The following SSBP3 variants were observed in gnomAD, a reference collection of about 807,000 sequenced individuals.
SSBP3 encodes the protein single-stranded DNA-binding protein 3.
A neutral mutation model predicts 69.6 loss-of-function variants in SSBP3; 5 were observed. The ratio of observed to expected loss-of-function variants is 0.07; its 90% confidence interval spans 0.04 to 0.15. SSBP3 has a LOEUF of 0.15. Ranked by LOEUF, SSBP3 falls within the 10% of genes least tolerant of loss-of-function variation. The pLI is 1.00. For missense variants in SSBP3, 312 were observed against 534.0 expected, an observed-to-expected ratio of 0.58 and a Z score of 4.10; for synonymous variants, 196 against 193.4, an observed-to-expected ratio of 1.01 and a Z score of -0.11.
rs1040154629 is a variant in SSBP3, at chr1:54,357,138, G to A, written c.276+44723C>T. Among the ~76,000 whole-genome samples, 6 of 152,290 alleles carry A rather than the reference G, an allele frequency of 3.9e-5. No individual in the cohort carries two copies. The Middle Eastern group carries it at 0.01, about 259-fold the overall frequency. On this transcript the variant is annotated intron_variant, in intron 4 of 17. Coordinates refer to ENST00000610401, the Ensembl canonical transcript of SSBP3. ...GAGAGGTCTGAGTCCCCAGTGAGAG[G>A]AGACAGAAGGCCAAAGGGGCTAGGA...
intron 4 of SSBP3, among the ~76,000 whole-genome samples, chr1:54,329,991 G>A (rs1002704761): frequency 2.0e-5 from 3 of 152,138 alleles, no homozygotes; most frequent in Admixed American, 6.5e-5. Flanking sequence ...GACTTTGCAC[G>A]TTCACACCTG....
upstream of SSBP3, among the ~76,000 whole-genome samples, chr1:54,409,101 GA>G (rs1649923650): frequency 6.6e-6 from 1 of 152,114 alleles, no homozygotes; most frequent in South Asian, 2.1e-4. Context: ...AAACACCCAT[GA>G]ACAGCATTCA....
chr1:54,277,042 C>CGAGCCTG (rs1392169174), intron 5 of SSBP3, among the ~76,000 whole-genome samples: 4 of 152,100 alleles, frequency 2.6e-5, no homozygotes, highest in Non-Finnish European at 5.9e-5. Flanking sequence ...TGATTCAGTT[C>CGAGCCTG]GAGCCTGGAA....
intron 4 of SSBP3, among the ~76,000 whole-genome samples, chr1:54,336,869 C>T (rs1019537034): frequency 2.0e-5 from 3 of 152,144 alleles, no homozygotes; most frequent in African/African-American, 7.2e-5. Context: ...CCCTGAATAG[C>T]CAGCTCCCCA....
intron 15 of SSBP3, 39 bp downstream of exon 15, chr1:54,228,709 C>T (rs1644330486): frequency 1.3e-6 from 2 of 1,555,868 alleles, no homozygotes; most frequent in African/African-American, 2.7e-5. Context: ...GCTGGCTGCC[C>T]AGGCAGGGTG....
intron 5 of SSBP3, among the ~76,000 whole-genome samples, chr1:54,261,596 A>C (rs758161076): frequency 2.0e-5 from 3 of 152,162 alleles, no homozygotes; most frequent in Non-Finnish European, 4.4e-5. Flanking sequence ...TTTTCCATGC[A>C]GGACATCTCT....
chr1:54,335,058 G>T (rs1646485230), intron 4 of SSBP3, among the ~76,000 whole-genome samples: 1 of 152,182 alleles, frequency 6.6e-6, no homozygotes, highest in South Asian at 2.1e-4. Context: ...AGGGCCTAGA[G>T]GAGCCAGGCT....
chr1:54,242,149 G>A lies in SSBP3; in HGVS notation c.765+15C>T, dbSNP rs760294859. On this transcript the variant is annotated intron_variant, in intron 11 of 17. Coordinates refer to ENST00000610401, the Ensembl canonical transcript of SSBP3. ...TCCCCTGACAAACACCACCCCACCC[G>A]ACCCAGGTACTCACTGAGTTAGCAC... 3.1e-6 allele frequency: 5 copies of A among 1,612,192 alleles called. No individual in the cohort carries two copies. The highest frequency in any genetic ancestry group is 1.7e-5 in the Admixed American group (1 of 59,954).
intron 4 of SSBP3, among the ~76,000 whole-genome samples, chr1:54,357,286 G>A (rs561513949): frequency 1.3e-5 from 2 of 152,110 alleles, no homozygotes. Context: ...GTGGGCACTC[G>A]ACAAATGAGG....
chr1:54,386,506 C>T lies in SSBP3; in HGVS notation c.276+15355G>A, dbSNP rs181315630. On this transcript the variant is annotated intron_variant, in intron 4 of 17. Transcript: ENST00000610401. ...CTGGAAGCAGCTCAGGTGTTCTCAC[C>T]CCCAGTTCCAAGGTTGCTCATATCC... Among the ~76,000 whole-genome samples, 3 of 152,004 alleles carry T rather than the reference C, an allele frequency of 2.0e-5. No homozygotes were observed. In the East Asian group the frequency reaches 5.8e-4, roughly 29 times the overall value.
At chr1:54,229,744 G>A (rs1006863611) in intron 14 of SSBP3, among the ~76,000 whole-genome samples, 12 of 152,300 alleles carry the variant, frequency 7.9e-5, no homozygotes, top group Admixed American at 6.5e-4. Flanking sequence ...CATCTGCATC[G>A]AGTGGGAAGG....
At chr1:54,394,836 G>A (rs1035397087) in intron 4 of SSBP3, among the ~76,000 whole-genome samples, 1 of 150,904 alleles carries the variant, frequency 6.6e-6, no homozygotes, top group Admixed American at 6.6e-5. Context: ...CCAAGTAGCT[G>A]GGACTACAGG....
chr1:54,407,138 G>A (rs1251725176), upstream of SSBP3, among the ~76,000 whole-genome samples: 2 of 152,036 alleles, frequency 1.3e-5, no homozygotes, highest in Non-Finnish European at 2.9e-5. Context: ...GGCCCTTGGC[G>A]TGCTTTGGGG....
chr1:54,358,247 G>A (rs1646898713), intron 4 of SSBP3, among the ~76,000 whole-genome samples: 2 of 152,154 alleles, frequency 1.3e-5, no homozygotes, highest in South Asian at 4.1e-4. Context: ...CCTCTTAACT[G>A]GCAACTCAAT....
chr1:54,374,431 G>A (rs1647184081), intron 4 of SSBP3, among the ~76,000 whole-genome samples: 1 of 152,194 alleles, frequency 6.6e-6, no homozygotes, highest in Non-Finnish European at 1.5e-5. Context: ...CTTTCTTGAG[G>A]CCCTGCTGGC....
intron 4 of SSBP3, among the ~76,000 whole-genome samples, chr1:54,284,334 T>C (rs1217370682): frequency 6.6e-6 from 1 of 152,108 alleles, no homozygotes; most frequent in Admixed American, 6.5e-5. Context: ...CTTAGGTCAT[T>C]ACCTTTTGAA....
intron 4 of SSBP3, among the ~76,000 whole-genome samples, chr1:54,385,475 G>A (rs1396223530): frequency 6.6e-6 from 1 of 151,800 alleles, no homozygotes; most frequent in Non-Finnish European, 1.5e-5. Context: ...ATCTACCACT[G>A]CCCCCAACCC....
At chr1:54,399,586 A>G (rs191990023) in intron 4 of SSBP3, among the ~76,000 whole-genome samples, 4 of 152,174 alleles carry the variant, frequency 2.6e-5, no homozygotes, top group Admixed American at 6.5e-5. Context: ...AAACTATCTC[A>G]TAAGTCCTCC....
chr1:54,368,431 G>T (rs1427667684), intron 4 of SSBP3, among the ~76,000 whole-genome samples: 2 of 151,756 alleles, frequency 1.3e-5, no homozygotes, highest in Non-Finnish European at 2.9e-5. Flanking sequence ...AGGGAGAAGG[G>T]ACTTGTTCGT....
Sources: allele counts gnomAD v4.1 joint callset (sites outside exome capture counted in the v4.1 genomes callset), GRCh38; gene constraint gnomAD v4.1.1; transcripts MANE v1.5; gene names NCBI Gene and HGNC (gene_info 2026-07-23, HGNC 2026-07-21).